The following SLC39A11 variants were observed in gnomAD, a reference collection of about 807,000 sequenced individuals.
SLC39A11 encodes solute carrier family 39 member 11, also known as zinc transporter ZIP11.
A neutral mutation model predicts 36.1 loss-of-function variants in SLC39A11; 33 were observed. The ratio of observed to expected loss-of-function variants is 0.91; its 90% CI spans 0.69 to 1.22. SLC39A11 has a LOEUF of 1.22. Among genes scored for constraint, SLC39A11 ranks in the 50% most tolerant of loss-of-function variants. The pLI is 0.00. For synonymous variants in SLC39A11, 166 were observed against 170.3 expected (o/e 0.97, Z 0.20); for missense variants, 432 against 430.3 (o/e 1.00, Z -0.03).
intron 6 of SLC39A11, among the ~76,000 whole-genome samples, chr17:72,776,073 C>T (rs1055059044): frequency 2.0e-5 from 3 of 152,206 alleles, no homozygotes; most frequent in Non-Finnish European, 4.4e-5. Flanking sequence ...ATGGGCAGAC[C>T]CCCTGCTTGG....
intron 4 of SLC39A11, among the ~76,000 whole-genome samples, chr17:72,949,822 C>T (rs997362239): frequency 3.9e-5 from 6 of 151,956 alleles, no homozygotes; most frequent in Middle Eastern, 3.4e-3. Context: ...GTCTCTAATG[C>T]GGGAGAGGAG....
chr17:72,815,399 C>T (rs2077550351), intron 6 of SLC39A11, among the ~76,000 whole-genome samples: 1 of 152,120 alleles, frequency 6.6e-6, no homozygotes, highest in East Asian at 1.9e-4. Context: ...GCAGGTGGAT[C>T]ACGAGGTCAG....
At chr17:73,024,864 A>AT (rs1163840820) in intron 4 of SLC39A11, among the ~76,000 whole-genome samples, 8,746 of 97,790 alleles carry the variant, frequency 0.089, 500 homozygotes, top group African/African-American at 0.15. Context: ...TGCCCAGCTA[A>AT]TTTTTTTTTT....
At position 72,747,339 on chromosome 17, in the gene SLC39A11, CG is replaced by C. The variant is rs569467819; in HGVS notation, c.602-10621del. On this transcript the variant is annotated intron_variant, in intron 6 of 9. Transcript: ENST00000255559. ...CTAATTTTTGTATTTTTAGTAGAGG[CG>C]GGGTTTTTGCCATGTTGGCCAGGCT... Among the ~76,000 whole-genome samples, 172 of 152,182 alleles carry C rather than the reference CG, an allele frequency of 1.1e-3. 2 individuals are homozygous for C. Among genetic ancestry groups the C allele is most frequent in the Middle Eastern group, 6.8e-3 (2 of 294 alleles).
At chr17:72,726,170 G>A (rs2073922976) in intron 7 of SLC39A11, among the ~76,000 whole-genome samples, 1 of 152,228 alleles carries the variant, frequency 6.6e-6, no homozygotes, top group Non-Finnish European at 1.5e-5. Flanking sequence ...AGTGCTGCCT[G>A]GGGCAGGTCT....
At chr17:72,699,076 G>T (rs527652661) in intron 7 of SLC39A11, among the ~76,000 whole-genome samples, 11 of 152,156 alleles carry the variant, frequency 7.2e-5, no homozygotes, top group African/African-American at 2.4e-4. Flanking sequence ...TGATCTGCCC[G>T]CCTTGGCCTC....
chr17:73,088,754 C>A lies in SLC39A11; in HGVS notation c.11G>T (p.Gly4Val). MLQ[G>V]HSSVFQALLG... ...CAAGGCCTGGAACACAGAGCTGTGG[C>A]CTTGGAGCATGCTGGATACAGCTGT... Residue 4 changes from glycine (G) to valine (V), a missense_variant, in exon 2 of 10, where the codon GGC (glycine) becomes GTC (valine). By Grantham distance (109) the Gly-to-Val change is moderately radical (BLOSUM62 -3). Coordinates refer to ENST00000255559, the MANE Select transcript of SLC39A11 (RefSeq NM_139177.4). 1.2e-6 allele frequency: 2 copies of A among 1,605,084 alleles called. No homozygotes were observed. The highest frequency in any genetic ancestry group is 2.2e-5 in the South Asian group (2 of 89,258).
chr17:72,810,418 G>C (rs2077397525), intron 6 of SLC39A11, among the ~76,000 whole-genome samples: 2 of 152,312 alleles, frequency 1.3e-5, no homozygotes, highest in Admixed American at 6.5e-5. Flanking sequence ...TAAAAAACAT[G>C]TAATCAACTA....
chr17:72,799,553 G>A (rs945681420), intron 6 of SLC39A11, among the ~76,000 whole-genome samples: 1 of 152,028 alleles, frequency 6.6e-6, no homozygotes, highest in African/African-American at 2.4e-5. Context: ...TTAATACCCT[G>A]GGAAAGGAAT....
intron 4 of SLC39A11, among the ~76,000 whole-genome samples, chr17:73,001,604 C>T (rs2089828774): frequency 6.6e-6 from 1 of 151,986 alleles, no homozygotes; most frequent in Admixed American, 6.6e-5. Flanking sequence ...ATGAGTATCC[C>T]ATTTGCAACC....
intron 7 of SLC39A11, among the ~76,000 whole-genome samples, chr17:72,714,833 G>A (rs1679535039): frequency 1.3e-5 from 2 of 152,230 alleles, no homozygotes; most frequent in African/African-American, 2.4e-5. Flanking sequence ...GGTTCATGGA[G>A]TGTTTCACCT....
At chr17:72,812,285 G>T (rs2077457390) in intron 6 of SLC39A11, among the ~76,000 whole-genome samples, 1 of 152,172 alleles carries the variant, frequency 6.6e-6, no homozygotes, top group East Asian at 1.9e-4. Context: ...TCCGTTAGTA[G>T]ATTTTCTCCC....
At chr17:72,840,597 A>G (rs1308019249) in intron 6 of SLC39A11, among the ~76,000 whole-genome samples, 4 of 152,204 alleles carry the variant, frequency 2.6e-5, no homozygotes, top group Admixed American at 2.6e-4. Flanking sequence ...CGCCTCTACT[A>G]AAAGTACAAA....
intron 4 of SLC39A11, among the ~76,000 whole-genome samples, chr17:72,973,671 A>T (rs2087627208): frequency 6.6e-6 from 1 of 151,888 alleles, no homozygotes; most frequent in South Asian, 2.1e-4. Context: ...TGATCCTCCC[A>T]CTTCAGCTTC....
At chr17:72,694,232 C>T (rs1257626329) in intron 7 of SLC39A11, among the ~76,000 whole-genome samples, 1 of 152,142 alleles carries the variant, frequency 6.6e-6, no homozygotes, top group Non-Finnish European at 1.5e-5. Flanking sequence ...AGAAGGGGGT[C>T]TCACAAAATC....
At chr17:72,772,536 A>G (rs1469235848) in intron 6 of SLC39A11, among the ~76,000 whole-genome samples, 1 of 152,136 alleles carries the variant, frequency 6.6e-6, no homozygotes, top group Non-Finnish European at 1.5e-5. Flanking sequence ...CTGCTTAAGA[A>G]AATGCTGTCT....
At chr17:73,071,602 C>T (rs182629732) in intron 3 of SLC39A11, among the ~76,000 whole-genome samples, 143 of 152,320 alleles carry the variant, frequency 9.4e-4, no homozygotes, top group African/African-American at 3.4e-3. Flanking sequence ...TCCACTGTCA[C>T]CAGACCTCAG....
chr17:72,985,247 A>G (rs1370173761), intron 4 of SLC39A11, among the ~76,000 whole-genome samples: 1 of 152,192 alleles, frequency 6.6e-6, no homozygotes, highest in African/African-American at 2.4e-5. Context: ...GGCCACGCAG[A>G]CAGCGCCCAC....
chr17:72,946,505 T>C (rs1437689489), intron 5 of SLC39A11, among the ~76,000 whole-genome samples: 1 of 152,120 alleles, frequency 6.6e-6, no homozygotes, highest in African/African-American at 2.4e-5. Flanking sequence ...GGCAAAAAGA[T>C]TCAATTAAAA....
Sources: gnomAD v4.1 joint callset for allele counts (sites outside exome capture counted in the v4.1 genomes callset) on GRCh38, gnomAD v4.1.1 for gene constraint, MANE v1.5 for transcripts, NCBI Gene and HGNC (gene_info 2026-07-23, HGNC 2026-07-21) for gene names.